Variants in DLC1 observed in about 807,000 individuals in gnomAD.
DLC1 encodes the protein rho GTPase-activating protein 7.
DLC1 carries 54 observed loss-of-function variants against 140.3 expected under a neutral mutation model. That is an observed-to-expected ratio of 0.38 (90% confidence interval 0.31 to 0.48). The LOEUF (loss-of-function observed/expected upper bound fraction) is 0.48, where lower values mean the gene tolerates loss of function less well. DLC1 is among the 20% of genes least tolerant of loss of function. The pLI, the probability that DLC1 is intolerant of heterozygous loss-of-function variation, is 0.96. For synonymous variants in DLC1, 986 were observed against 728.1 expected (o/e 1.35, Z -5.70); for missense variants, 2,536 against 1,907.0 (o/e 1.33, Z -6.14).
At chr8:13,161,083 A>C (rs1824658042) in intron 5 of DLC1, among the ~76,000 whole-genome samples, 1 of 152,218 alleles carries the variant, frequency 6.6e-6, no homozygotes, top group South Asian at 2.1e-4. Flanking sequence ...TCCGTCTCAA[A>C]AAGATTTAGG....
intron 4 of DLC1, among the ~76,000 whole-genome samples, chr8:13,348,266 G>C (rs969827967): frequency 6.6e-6 from 1 of 152,112 alleles, no homozygotes; most frequent in Admixed American, 6.5e-5. Flanking sequence ...TTGAAGGTTG[G>C]GCATGAGAAG....
At chr8:13,219,903 G>A (rs569426233) in intron 5 of DLC1, among the ~76,000 whole-genome samples, 2 of 152,232 alleles carry the variant, frequency 1.3e-5, no homozygotes, top group African/African-American at 4.8e-5. Flanking sequence ...ATTATAGCAA[G>A]TAAAAACAAT....
intron 2 of DLC1, among the ~76,000 whole-genome samples, chr8:13,498,568 G>T (rs1360359176): frequency 6.6e-6 from 1 of 152,230 alleles, no homozygotes; most frequent in East Asian, 1.9e-4. Context: ...TTTAGCCTTT[G>T]TATATGTGAG....
intron 4 of DLC1, among the ~76,000 whole-genome samples, chr8:13,329,644 A>G (rs1833505878): frequency 6.6e-6 from 1 of 152,340 alleles, no homozygotes; most frequent in East Asian, 1.9e-4. Context: ...TTCTATGATT[A>G]GGAAATATTT....
rs183311753 is a variant in DLC1, at chr8:13,360,111, C to T, written c.1314+33442G>A. 7.2e-5 allele frequency among the ~76,000 whole-genome samples: 11 copies of T among 152,288 alleles called. No homozygotes were observed. In the East Asian group the frequency reaches 2.1e-3, roughly 29 times the overall value. Reference sequence around the variant, plus strand: ...GACAGACAAGCTGGGTTCAAGCAAGCTGAGTTTCCTTGAGACATTAATTTC... The same window carrying T: ...GACAGACAAGCTGGGTTCAAGCAAGTTGAGTTTCCTTGAGACATTAATTTC... On this transcript the variant is annotated intron_variant, in intron 4 of 17. Coordinates refer to ENST00000276297, the MANE Select transcript of DLC1 (RefSeq NM_182643.3).
intron 1 of DLC1, among the ~76,000 whole-genome samples, chr8:13,574,846 A>T (rs1230660748): frequency 6.6e-6 from 1 of 152,198 alleles, no homozygotes. Context: ...GACCCAGCTT[A>T]GAATACCTCC....
chr8:13,343,519 T>C (rs574079209), intron 4 of DLC1, among the ~76,000 whole-genome samples: 1 of 152,356 alleles, frequency 6.6e-6, no homozygotes, highest in South Asian at 2.1e-4. Context: ...CACAAGAATG[T>C]ACTATGCTAG....
intron 4 of DLC1, among the ~76,000 whole-genome samples, chr8:13,367,532 AC>A (rs1835543499): frequency 6.6e-6 from 1 of 151,310 alleles, no homozygotes; most frequent in African/African-American, 2.5e-5. Flanking sequence ...TTTCTTGATT[AC>A]AACAACAACA....
At chr8:13,389,069 G>T (rs1047713748) in intron 4 of DLC1, among the ~76,000 whole-genome samples, 6 of 152,082 alleles carry the variant, frequency 3.9e-5, no homozygotes, top group Non-Finnish European at 7.4e-5. Context: ...TGATGTTCTT[G>T]ATTATTCTAC....
intron 4 of DLC1, among the ~76,000 whole-genome samples, chr8:13,360,012 G>C (rs1176794642): frequency 2.0e-5 from 3 of 152,140 alleles, no homozygotes; most frequent in African/African-American, 7.2e-5. Context: ...GAGTATGTTG[G>C]ATTCCGCATT....
At chr8:13,549,027 T>C (rs1803756273) in intron 1 of DLC1, among the ~76,000 whole-genome samples, 1 of 152,066 alleles carries the variant, frequency 6.6e-6, no homozygotes, top group Admixed American at 6.6e-5. Flanking sequence ...TTAAACATTT[T>C]TCCTTCCATT....
At chr8:13,305,474 G>C (rs1377110760) in intron 4 of DLC1, among the ~76,000 whole-genome samples, 172 bp from the exon 5 acceptor site, 1 of 152,172 alleles carries the variant, frequency 6.6e-6, no homozygotes. Flanking sequence ...TTTGATAACT[G>C]TAAATCATCT....
At chr8:13,355,833 C>T (rs1033040591) in intron 4 of DLC1, among the ~76,000 whole-genome samples, 8 of 151,820 alleles carry the variant, frequency 5.3e-5, no homozygotes, top group African/African-American at 1.9e-4. Flanking sequence ...ACCTGTAATC[C>T]CAGCACTTTG....
At chr8:13,332,880 G>A (rs1833657481) in intron 4 of DLC1, among the ~76,000 whole-genome samples, 1 of 151,950 alleles carries the variant, frequency 6.6e-6, no homozygotes, top group African/African-American at 2.4e-5. Context: ...GTATTTGACT[G>A]AGTCACTGCT....
chr8:13,297,282 T>TAAAAAAAAAAAAAAAAAAAAAAAAAACAA (rs60048506), intron 5 of DLC1, among the ~76,000 whole-genome samples: 1 of 9,638 alleles, frequency 1.0e-4, no homozygotes, highest in Non-Finnish European at 1.8e-4. Flanking sequence ...CTTCATACAT[T>TAAAAAAAAAAAAAAAAAAAAAAAAAACAA]AAAAAAAAAA....
intron 6 of DLC1, among the ~76,000 whole-genome samples, chr8:13,113,932 G>C (rs1486999047): frequency 1.3e-5 from 2 of 152,226 alleles, no homozygotes; most frequent in African/African-American, 2.4e-5. Context: ...GGAAGACCGG[G>C]TATTCTAACT....
At position 13,208,815 on chromosome 8, in the gene DLC1, A is replaced by G. The variant is rs1827798912; in HGVS notation, c.1349-93158T>C. On this transcript the variant is annotated intron_variant, in intron 5 of 17. Coordinates refer to ENST00000276297, the MANE Select transcript of DLC1 (RefSeq NM_182643.3). The stretch of plus-strand genomic sequence containing the variant: ...AAGAAGTAAGATAGTTTTACAAGCA[A>G]TTCCTTAAAACTTGGAAGAGCTGAT... Among the ~76,000 whole-genome samples, 7 of 152,202 alleles carry G rather than the reference A, an allele frequency of 4.6e-5. No homozygotes were observed. The South Asian group carries it at 1.5e-3, about 32-fold the overall frequency.
intron 4 of DLC1, chr8:13,353,346 A>T (rs1173834434): frequency 6.6e-6 from 1 of 152,170 alleles, no homozygotes; most frequent in Non-Finnish European, 1.5e-5. Context: ...TTGAATTCCT[A>T]TAATATCTGT....
At chr8:13,162,882 C>T (rs1250759237) in intron 5 of DLC1, among the ~76,000 whole-genome samples, 2 of 152,174 alleles carry the variant, frequency 1.3e-5, no homozygotes, top group African/African-American at 2.4e-5. Context: ...TGCAGGATCA[C>T]ACCACTACAT....
Sources: allele counts gnomAD v4.1 joint callset (sites outside exome capture counted in the v4.1 genomes callset), GRCh38; gene constraint gnomAD v4.1.1; transcripts MANE v1.5; gene names NCBI Gene and HGNC (gene_info 2026-07-23, HGNC 2026-07-21).